TRAP1: variants seen among roughly 807,000 people sequenced by gnomAD.
TRAP1 encodes the protein TNF receptor associated protein 1, also known as heat shock protein 75 kDa, mitochondrial.
In TRAP1, 102 loss-of-function variants were observed where a neutral mutation model predicts 89.1. That is an observed-to-expected ratio of 1.15 (90% CI 0.98 to 1.35). TRAP1 has a LOEUF of 1.35. TRAP1 is among the 40% of genes most tolerant of loss of function. The pLI, the probability that TRAP1 is intolerant of heterozygous loss-of-function variation, is 0.00. For synonymous variants in TRAP1, 508 were observed against 388.0 expected (o/e 1.31, Z -3.64); for missense variants, 1,256 against 945.3 (o/e 1.33, Z -4.31).
At position 3,671,733 on chromosome 16, in the gene TRAP1, G is replaced by A. The variant is rs377663088; in HGVS notation, c.1224C>T (p.Ser408=). 30 of 1,612,784 alleles carry A rather than the reference G, an allele frequency of 1.9e-5. No individual in the cohort carries two copies. The highest frequency in any genetic ancestry group is 3.3e-4 in the Middle Eastern group (2 of 6,084). Residue 408 remains serine, a synonymous_variant, in exon 11 of 18, where the codon AGC becomes AGT. Transcript: ENST00000246957. ...LNLSRELLQE[S]ALIRKLRDVL... is the part of the protein sequence containing the mutation. Reference sequence around the variant, plus strand: ...GGCCCGAGGCTCACCTGATGAGTGCGCTCTCCTGCAGCAGCTCCCGGCTGA... The same window carrying A: ...GGCCCGAGGCTCACCTGATGAGTGCACTCTCCTGCAGCAGCTCCCGGCTGA...
chr16:3,663,527 G>C lies in TRAP1; in HGVS notation c.1605C>G (p.Thr535=). The C allele has an allele frequency of 1.9e-6, 3 of 1,614,074 alleles. No individual in the cohort carries two copies. The highest frequency in any genetic ancestry group is 2.2e-5 in the East Asian group (1 of 44,882). Residue 535 remains threonine (T), a synonymous_variant, in exon 14 of 18, where the codon ACC becomes ACG. Coordinates refer to ENST00000246957, the MANE Select transcript of TRAP1 (RefSeq NM_016292.3). ...LFCFEQFDEL[T]LLHLREFDKK... is the part of the protein sequence containing the mutation. The stretch of plus-strand genomic sequence containing the variant: ...TGTCAAACTCACGAAGGTGCAGCAG[G>C]GTGAGCTCATCAAACTGCTCAAAGC...
chr16:3,715,107 A>C (rs1395432627), intron 1 of TRAP1, among the ~76,000 whole-genome samples: 3 of 152,212 alleles, frequency 2.0e-5, no homozygotes, highest in South Asian at 4.1e-4. Context: ...ACCGCACCAG[A>C]AGATGGAGGA....
At position 3,677,524 on chromosome 16, in the gene TRAP1, G is replaced by T; in HGVS notation, c.678C>A (p.Ser226Arg). The change falls in exon 6 of 18, where the codon AGC (serine) becomes AGA (arginine). Residue 226 changes from serine (S) to arginine (R), a missense_variant. Coordinates refer to ENST00000246957, the MANE Select transcript of TRAP1 (RefSeq NM_016292.3). Reference sequence around the variant, plus strand: ...CATCTGAAAGCCACTGGTAACCCAGGCTCCCCGGGGCTGCCGAGCGGGAAT... The same window carrying T: ...CATCTGAAAGCCACTGGTAACCCAGTCTCCCCGGGGCTGCCGAGCGGGAAT... ...EVYSRSAAPG[S>R]LGYQWLSDGS... 6.2e-7 allele frequency: 1 copy of T among 1,614,178 alleles called. No homozygotes were observed. Among genetic ancestry groups the T allele is most frequent in the Non-Finnish European group, 8.5e-7 (1 of 1,180,034 alleles).
At chr16:3,664,186 G>T in intron 13 of TRAP1, 88 bp downstream of exon 13, 1 of 1,371,632 alleles carries the variant, frequency 7.3e-7, no homozygotes, top group Non-Finnish European at 9.6e-7. Flanking sequence ...CGGAGTCTTG[G>T]GCAGGTTCAC....
chr16:3,668,221 CTAATT>C (rs1212157429), intron 11 of TRAP1, among the ~76,000 whole-genome samples: 1 of 151,886 alleles, frequency 6.6e-6, no homozygotes, highest in African/African-American at 2.4e-5. Flanking sequence ...TGCGCCCAGC[CTAATT>C]TTTCTATTTT....
In TRAP1 at chr16:3,672,736, T is replaced by G. The variant is rs760185644; in HGVS notation, c.1129A>C (p.Thr377Pro). 6.8e-6 allele frequency: 11 copies of G among 1,610,666 alleles called. No individual in the cohort carries two copies. The Admixed American group carries it at 1.5e-4, about 22-fold the overall frequency. ...SRKVLIQTKA[T>P]DILPKWLRFI... is the part of the protein sequence containing the mutation. ...CGCAGCCACTTGGGCAGGATGTCCG[T>G]GGCCTTGGTCTGGATGAGGACTTTG... Residue 377 changes from threonine (T) to proline (P), a missense_variant, in exon 10 of 18, where the codon ACG becomes CCG. Transcript: ENST00000246957.
At chr16:3,706,416 G>A (rs1484236483) in intron 1 of TRAP1, among the ~76,000 whole-genome samples, 1 of 150,460 alleles carries the variant, frequency 6.6e-6, no homozygotes, top group Admixed American at 6.6e-5. Flanking sequence ...AAGCAGGTGG[G>A]ATTAGAAGGG....
chr16:3,662,557 G>A (rs2043145157), intron 15 of TRAP1: 7 of 566,526 alleles, frequency 1.2e-5, no homozygotes, highest in Non-Finnish European at 2.3e-5. Flanking sequence ...GAGCATGTGA[G>A]CTCCTGAGGG....
At chr16:3,695,441 T>C (rs887490465) in intron 1 of TRAP1, among the ~76,000 whole-genome samples, 3 of 146,704 alleles carry the variant, frequency 2.0e-5, no homozygotes, top group African/African-American at 7.6e-5. Flanking sequence ...GAGGCCGAGG[T>C]GGAAGGACTG....
At chr16:3,705,732 T>A (rs571597636) in intron 1 of TRAP1, among the ~76,000 whole-genome samples, 2 of 152,068 alleles carry the variant, frequency 1.3e-5, no homozygotes, top group Non-Finnish European at 2.9e-5. Flanking sequence ...CAGGCTGGAG[T>A]GCAATGACAT....
intron 1 of TRAP1, 93 bp downstream of exon 1, chr16:3,717,328 G>A: frequency 2.2e-6 from 1 of 451,132 alleles, no homozygotes; most frequent in Non-Finnish European, 3.5e-6. Flanking sequence ...CTGTGAAGCA[G>A]GTGCCGGCGC....
At chr16:3,677,371 G>T in intron 6 of TRAP1, 127 bp downstream of exon 6, 1 of 1,290,672 alleles carries the variant, frequency 7.7e-7, no homozygotes, top group Non-Finnish European at 1.1e-6. Context: ...AAATGGGAGA[G>T]TCAGATTTCA....
At chr16:3,679,310 G>GAA (rs369607276) in intron 5 of TRAP1, among the ~76,000 whole-genome samples, 20 of 150,848 alleles carry the variant, frequency 1.3e-4, no homozygotes, top group African/African-American at 4.4e-4. Flanking sequence ...AAAATACTCA[G>GAA]AAAAAAAATA....
intron 15 of TRAP1, chr16:3,662,362 C>T (rs993758843): frequency 1.6e-6 from 1 of 607,702 alleles, no homozygotes; most frequent in Non-Finnish European, 2.9e-6. Context: ...TGGTGCCCCG[C>T]TGCTGCCTCC....
intron 1 of TRAP1, among the ~76,000 whole-genome samples, chr16:3,716,739 G>A (rs765638404): frequency 1.3e-5 from 2 of 152,224 alleles, no homozygotes; most frequent in Non-Finnish European, 2.9e-5. Context: ...GTGGGGACTG[G>A]GAAAGCAGAG....
chr16:3,684,092 G>A (rs1325709241), intron 4 of TRAP1, among the ~76,000 whole-genome samples: 2 of 152,072 alleles, frequency 1.3e-5, no homozygotes, highest in Non-Finnish European at 2.9e-5. Flanking sequence ...CTTAAATCCG[G>A]GGGGCAGAGG....
intron 2 of TRAP1, chr16:3,689,894 C>G (rs868739796): frequency 2.6e-5 from 4 of 152,234 alleles, no homozygotes; most frequent in Non-Finnish European, 4.4e-5. Flanking sequence ...CAGGACAAAT[C>G]CTCCCACTGC....
chr16:3,697,492 G>A (rs369018514), intron 1 of TRAP1, among the ~76,000 whole-genome samples: 6 of 151,618 alleles, frequency 4.0e-5, no homozygotes, highest in East Asian at 2.0e-4. Flanking sequence ...GTGAAACCCC[G>A]TCTCTACTAA....
chr16:3,704,218 A>G (rs2051408660), intron 1 of TRAP1: 1 of 152,020 alleles, frequency 6.6e-6, no homozygotes, highest in Admixed American at 6.6e-5. Flanking sequence ...GGGGATGCAC[A>G]CCTGTAATCT....
Sources: allele counts gnomAD v4.1 joint callset (sites outside exome capture counted in the v4.1 genomes callset), GRCh38; gene constraint gnomAD v4.1.1; transcripts MANE v1.5; gene names NCBI Gene and HGNC (gene_info 2026-07-23, HGNC 2026-07-21).